FAM131B: variants seen among roughly 807,000 people sequenced by gnomAD.
The protein encoded by FAM131B is family with sequence similarity 131 member B.
In FAM131B, 19 loss-of-function variants were observed where a neutral mutation model predicts 42.0. The observed-to-expected ratio is 0.45, with a 90% confidence interval of 0.32 to 0.66. The LOEUF is 0.66. FAM131B is among the 30% of genes least tolerant of loss of function. The pLI is 0.05. For synonymous variants in FAM131B, 183 were observed against 177.6 expected, an observed-to-expected ratio of 1.03 and a Z score of -0.24; for missense variants, 370 against 468.4, an observed-to-expected ratio of 0.79 and a Z score of 1.94.
At chr7:143,365,267 G>A (rs964091064), upstream of FAM131B, among the ~76,000 whole-genome samples, 7 of 152,174 alleles carry the variant, frequency 4.6e-5, no homozygotes, top group East Asian at 1.9e-4. Context: ...CAGGGAAGAC[G>A]GGGCAGATGC....
the FAM131B span, among the ~76,000 whole-genome samples, chr7:143,377,627 A>C: frequency 1.3e-5 from 2 of 152,210 alleles, no homozygotes; most frequent in African/African-American, 4.8e-5. Flanking sequence ...AGTTTCCTTA[A>C]CTAAAAAATG....
upstream of FAM131B, among the ~76,000 whole-genome samples, chr7:143,366,241 T>C (rs1389635895): frequency 6.6e-6 from 1 of 152,250 alleles, no homozygotes. Flanking sequence ...GGAATACATC[T>C]ATCTACATTT....
At chr7:143,380,004 T>G in the FAM131B span, 1 of 940,190 alleles carries the variant, frequency 1.1e-6, no homozygotes, top group African/African-American at 1.8e-5. The surrounding 1 kb of genome is among the most constrained non-coding windows in gnomAD (Gnocchi z 5.0). Context: ...CCTCGGATGA[T>G]CTCTAAAACA....
chr7:143,372,419 C>T, the FAM131B span, among the ~76,000 whole-genome samples: 9 of 152,028 alleles, frequency 5.9e-5, no homozygotes, highest in African/African-American at 7.2e-5. Context: ...AAGGGATTGT[C>T]GAAGCACAAA....
chr7:143,360,945 C>T (rs1364497838), intron 1 of FAM131B: 1 of 152,234 alleles, frequency 6.6e-6, no homozygotes, highest in East Asian at 1.9e-4. Context: ...GAGGGAGACT[C>T]CTGGACTGAG....
Position 143,359,576 on chromosome 7 carries a change from C to T in FAM131B, c.174+156G>A, listed in dbSNP as rs963902748. 7.5e-6 allele frequency: 7 copies of T among 930,102 alleles called. No homozygotes were observed. Among genetic ancestry groups the T allele is most frequent in the African/African-American group, 1.6e-5 (1 of 61,192 alleles). 57.6% of individuals were successfully genotyped at this position (930,102 alleles called of 1,614,324 possible). A position where few individuals can be genotyped will look rare whatever the true frequency, so the allele number is the denominator to read the frequency against. On this transcript the variant is annotated intron_variant, in intron 3 of 6. Transcript: ENST00000443739. The surrounding 1 kb of genome is among the most constrained non-coding windows in gnomAD (Gnocchi z 5.4). ...CAAGAGTCCCAAGGAGGGATATATC[C>T]CCAGTGCTCTGGAAAACTGGGGCAC...
At chr7:143,377,916 A>C in the FAM131B span, among the ~76,000 whole-genome samples, 1 of 152,036 alleles carries the variant, frequency 6.6e-6, no homozygotes, top group Non-Finnish European at 1.5e-5. Context: ...GTTTCACTAT[A>C]TCTTGGCCAG....
At position 143,356,609 on chromosome 7, in the gene FAM131B, C is replaced by G. The variant is rs759269813; in HGVS notation, c.1024G>C (p.Asp342His). The G allele has an allele frequency of 1.9e-6, 3 of 1,614,014 alleles. No individual in the cohort carries two copies. The highest frequency in any genetic ancestry group is 1.1e-5 in the South Asian group (1 of 91,066). The change falls in exon 7 of 7, where the codon GAC becomes CAC. Residue 342 changes from aspartate (D) to histidine (H), a missense_variant. Physicochemically the swap from Asp to His is moderately conservative, Grantham distance 81 (BLOSUM62 -1). Coordinates refer to ENST00000443739, the MANE Select transcript of FAM131B (RefSeq NM_001031690.3). This position sits in a 1 kb window ranked among gnomAD's most constrained non-coding sequence, Gnocchi z 4.4. ...MSTALSRKVS[D>H]VTSSGVQSFD... Reference sequence around the variant, plus strand: ...GACTGCACACCTGAGGATGTGACGTCAGACACCTTCCGGCTGAGAGCGGTA... The same window carrying G: ...GACTGCACACCTGAGGATGTGACGTGAGACACCTTCCGGCTGAGAGCGGTA...
At chr7:143,371,613 C>CAAAAAAAAAAAA in the FAM131B span, among the ~76,000 whole-genome samples, 7 of 75,012 alleles carry the variant, frequency 9.3e-5, no homozygotes, top group Admixed American at 1.6e-4. Flanking sequence ...GACCCTGTCT[C>CAAAAAAAAAAAA]AAAAAAAAAA....
At position 143,362,637 on chromosome 7, in the gene FAM131B, A is replaced by C; in HGVS notation, c.-34T>G. ...GGGCCGCAGAGCCGGGCCCTCACCG[A>C]CTCGGGGCGCGCGCCGGGGGGAGCA... On this transcript the variant is annotated 5_prime_UTR_variant, in exon 1 of 7. Transcript: ENST00000443739. The surrounding 1 kb of genome is among the most constrained non-coding windows in gnomAD (Gnocchi z 7.7). 1 of 1,195,406 alleles carries C rather than the reference A, an allele frequency of 8.4e-7. No homozygotes were observed. Among genetic ancestry groups the C allele is most frequent in the Non-Finnish European group, 1.0e-6 (1 of 963,248 alleles). 74.0% of individuals were successfully genotyped at this position (1,195,406 alleles called of 1,614,324 possible).
the FAM131B span, among the ~76,000 whole-genome samples, chr7:143,372,701 G>A: frequency 1.3e-5 from 2 of 152,186 alleles, no homozygotes; most frequent in East Asian, 3.9e-4. Flanking sequence ...GCTCATGCCT[G>A]TAATCCCAGC....
Position 143,358,871 on chromosome 7 carries a change from T to A in FAM131B, c.422A>T (p.Tyr141Phe). 1 of 1,613,932 alleles carries A rather than the reference T, an allele frequency of 6.2e-7. No individual in the cohort carries two copies. The highest frequency in any genetic ancestry group is 8.5e-7 in the Non-Finnish European group (1 of 1,179,976). ...CTTCTCGCCATCGCTGAGGTCGGAGTAGGCATCCGTATCCCTGCGCACGGA... is the reference window on the plus strand; with the variant it reads ...CTTCTCGCCATCGCTGAGGTCGGAGAAGGCATCCGTATCCCTGCGCACGGA... ...HESVRRDTDA[Y>F]SDLSDGEKEA... The change falls in exon 5 of 7, where the codon TAC becomes TTC. Residue 141 changes from tyrosine (Y) to phenylalanine (F), a missense_variant. Physicochemically the swap from Tyr to Phe is conservative, Grantham distance 22 (BLOSUM62 3). Transcript: ENST00000443739. This position sits in a 1 kb window ranked among gnomAD's most constrained non-coding sequence, Gnocchi z 4.7.
At chr7:143,376,542 G>A in the FAM131B span, among the ~76,000 whole-genome samples, 1 of 152,198 alleles carries the variant, frequency 6.6e-6, no homozygotes, top group South Asian at 2.1e-4. Flanking sequence ...CCTCTCTTGG[G>A]GGAGTGGCCC....
the FAM131B span, chr7:143,381,221 C>A: frequency 2.0e-6 from 2 of 1,007,272 alleles, no homozygotes; most frequent in African/African-American, 1.7e-5. Flanking sequence ...GCTCTCCCCG[C>A]CCCCTCTCCG....
At position 143,353,750 on chromosome 7, in the gene FAM131B, T is replaced by C. The variant is rs2116415860; in HGVS notation, c.*2800A>G. Reference sequence around the variant, plus strand: ...AAGATAATAAACTCATTCCCCAAGATACCCTCTTCAACACAAGGACAAGAA... The same window carrying C: ...AAGATAATAAACTCATTCCCCAAGACACCCTCTTCAACACAAGGACAAGAA... On this transcript the variant is annotated 3_prime_UTR_variant, in exon 7 of 7. Coordinates refer to ENST00000443739, the MANE Select transcript of FAM131B (RefSeq NM_001031690.3). The C allele has an allele frequency of 6.6e-6, 1 of 152,128 alleles. No individual in the cohort carries two copies. Among genetic ancestry groups the C allele is most frequent in the South Asian group, 2.1e-4 (1 of 4,800 alleles). 9.4% of individuals were successfully genotyped at this position (152,128 alleles called of 1,614,324 possible). A position where few individuals can be genotyped will look rare whatever the true frequency, so the allele number is the denominator to read the frequency against.
rs1803627207 is a variant in FAM131B at position 143,355,910 on chromosome 7, CT to C, written c.*639del. Reference sequence around the variant, plus strand: ...ATAGAAAGAACCACATCCGTGCCCCCTGTAGATCTCAGCTGCCACATCCACC... The same window carrying C: ...ATAGAAAGAACCACATCCGTGCCCCCGTAGATCTCAGCTGCCACATCCACC... On this transcript the variant is annotated 3_prime_UTR_variant, in exon 7 of 7. Transcript: ENST00000443739. The surrounding 1 kb of genome is among the most constrained non-coding windows in gnomAD (Gnocchi z 4.1). 1 of 154,278 alleles carries C rather than the reference CT, an allele frequency of 6.5e-6. No homozygotes were observed. Among genetic ancestry groups the C allele is most frequent in the Non-Finnish European group, 1.4e-5 (1 of 69,530 alleles). The allele number at this position is 154,278 out of a possible 1,614,324, so 9.6% of individuals were successfully genotyped here. A position where few individuals can be genotyped will look rare whatever the true frequency, so the allele number is the denominator to read the frequency against.
the FAM131B span, among the ~76,000 whole-genome samples, chr7:143,374,983 T>A: frequency 6.6e-6 from 1 of 152,098 alleles, no homozygotes; most frequent in Admixed American, 6.6e-5. Flanking sequence ...TTAGTGTTTA[T>A]CTCCCATAGG....
Position 143,356,677 on chromosome 7 carries a change from C to T in FAM131B, c.956G>A (p.Arg319Gln), listed in dbSNP as rs17854362. The T allele has an allele frequency of 3.7e-6, 6 of 1,613,934 alleles. No homozygotes were observed. Among genetic ancestry groups the T allele is most frequent in the South Asian group, 1.1e-5 (1 of 91,076 alleles). Residue 319 changes from arginine to glutamine, a missense_variant, in exon 7 of 7, where the codon CGG becomes CAG. Arg to Gln is a conservative substitution (Grantham distance 43, BLOSUM62 1). Coordinates refer to ENST00000443739, the MANE Select transcript of FAM131B (RefSeq NM_001031690.3). The surrounding 1 kb of genome is among the most constrained non-coding windows in gnomAD (Gnocchi z 4.4). ...APEEEEDAGCRDLESLSPRED... is the reference protein window; with the variant it reads ...APEEEEDAGCQDLESLSPRED... ...TCGTGGGGAAAGTGACTCCAGGTCC[C>T]GGCATCCCGCATCCTCTTCCTCCTC...
chr7:143,365,562 CA>C (rs540920091), upstream of FAM131B, among the ~76,000 whole-genome samples: 2 of 152,180 alleles, frequency 1.3e-5, no homozygotes, highest in East Asian at 3.8e-4. Context: ...TAAGATTTCC[CA>C]GTTGGAAAGA....
Sources: allele counts gnomAD v4.1 joint callset (sites outside exome capture counted in the v4.1 genomes callset), GRCh38; gene constraint gnomAD v4.1.1; non-coding constraint Gnocchi (gnomAD v3.1); transcripts MANE v1.5; gene names NCBI Gene and HGNC (gene_info 2026-07-23, HGNC 2026-07-21).